The following LRRC4C variants were observed in gnomAD, a reference collection of about 807,000 sequenced individuals.
LRRC4C encodes leucine-rich repeat-containing protein 4C.
A neutral mutation model predicts 33.6 loss-of-function variants in LRRC4C; 5 were observed. That is an observed-to-expected ratio of 0.15 (90% CI 0.08 to 0.31). The LOEUF is 0.31. LRRC4C is among the 10% of genes least tolerant of loss of function. The probability of loss-of-function intolerance (pLI) is 1.00; values close to 1 mark genes in which losing one functional copy is unlikely to be tolerated. For missense variants in LRRC4C, 560 were observed against 796.7 expected, an observed-to-expected ratio of 0.70 and a Z score of 3.58; for synonymous variants, 329 against 302.0, an observed-to-expected ratio of 1.09 and a Z score of -0.93.
At chr11:40,539,568 A>T (rs1028097234) in intron 3 of LRRC4C, among the ~76,000 whole-genome samples, 1 of 152,104 alleles carries the variant, frequency 6.6e-6, no homozygotes, top group Non-Finnish European at 1.5e-5. Flanking sequence ...TTGAATATAC[A>T]AATTCAAAAG....
intron 1 of LRRC4C, among the ~76,000 whole-genome samples, chr11:41,188,537 C>T (rs1945798160): frequency 6.6e-6 from 1 of 151,782 alleles, no homozygotes; most frequent in Non-Finnish European, 1.5e-5. Context: ...ATTTTCTTAT[C>T]CTTTAATTAA....
Position 41,305,317 on chromosome 11 carries a change from C to T in LRRC4C, c.-496+154114G>A, listed in dbSNP as rs1347847728. Among the ~76,000 whole-genome samples, 6 of 52,242 alleles carry T rather than the reference C, an allele frequency of 1.1e-4. 2 individuals are homozygous for T. Among genetic ancestry groups the T allele is most frequent in the Admixed American group, 8.2e-4 (3 of 3,668 alleles). 34.3% of individuals were successfully genotyped at this position (52,242 alleles called of 152,430 possible). Reference sequence around the variant, plus strand: ...CCCCTGCCCGGCCAGCCGCCCCATCCGGGAGGTGAGGGGCGCCTCTGCCCG... The same window carrying T: ...CCCCTGCCCGGCCAGCCGCCCCATCTGGGAGGTGAGGGGCGCCTCTGCCCG... On this transcript the variant is annotated intron_variant, in intron 1 of 6. Transcript: ENST00000528697.
chr11:40,987,711 T>G (rs1033538101), intron 1 of LRRC4C, among the ~76,000 whole-genome samples: 3 of 144,944 alleles, frequency 2.1e-5, no homozygotes, highest in Non-Finnish European at 4.5e-5. Context: ...ATGAGATATA[T>G]ATGATATATA....
chr11:40,654,725 T>G (rs1040990919), intron 2 of LRRC4C, among the ~76,000 whole-genome samples: 1 of 152,198 alleles, frequency 6.6e-6, no homozygotes, highest in African/African-American at 2.4e-5. Flanking sequence ...GTTTCTTAAG[T>G]TGAGGCCATG....
At chr11:40,543,312 C>T (rs1308505384) in intron 3 of LRRC4C, among the ~76,000 whole-genome samples, 2 of 152,050 alleles carry the variant, frequency 1.3e-5, no homozygotes, top group Non-Finnish European at 2.9e-5. Context: ...ACTGTAAAGG[C>T]CAAAGTAGAC....
At chr11:40,780,053 C>T (rs996025481) in intron 2 of LRRC4C, among the ~76,000 whole-genome samples, 2 of 152,098 alleles carry the variant, frequency 1.3e-5, no homozygotes, top group South Asian at 2.1e-4. Context: ...TAAAATAAGA[C>T]TTAAATAGTG....
chr11:40,908,834 A>G (rs1956540685), intron 2 of LRRC4C, among the ~76,000 whole-genome samples: 1 of 152,194 alleles, frequency 6.6e-6, no homozygotes, highest in Admixed American at 6.5e-5. Flanking sequence ...AAACTCTGCA[A>G]TCTGACAATT....
intron 3 of LRRC4C, among the ~76,000 whole-genome samples, chr11:40,570,023 G>T (rs1194827956): frequency 6.6e-6 from 1 of 151,590 alleles, no homozygotes; most frequent in African/African-American, 2.4e-5. Flanking sequence ...TTACACATAT[G>T]TAAATAATAT....
intron 1 of LRRC4C, among the ~76,000 whole-genome samples, chr11:41,220,797 G>A (rs1254334580): frequency 6.6e-6 from 1 of 151,998 alleles, no homozygotes; most frequent in South Asian, 2.1e-4. Flanking sequence ...TCATATATTG[G>A]TTTATTTATT....
chr11:40,536,697 T>A (rs987987905), intron 3 of LRRC4C, among the ~76,000 whole-genome samples: 3 of 152,094 alleles, frequency 2.0e-5, no homozygotes, highest in African/African-American at 7.2e-5. Context: ...GGAATGCTCT[T>A]TTTTTTTCAA....
At chr11:40,381,954 GTTT>G (rs34415574) in intron 3 of LRRC4C, among the ~76,000 whole-genome samples, 1 of 85,880 alleles carries the variant, frequency 1.2e-5, no homozygotes, top group Non-Finnish European at 2.1e-5. Flanking sequence ...ATCAGTCAGC[GTTT>G]TTTTTTTTTT....
At chr11:41,016,094 A>C (rs1035504562) in intron 1 of LRRC4C, among the ~76,000 whole-genome samples, 2 of 152,208 alleles carry the variant, frequency 1.3e-5, no homozygotes, top group Admixed American at 6.5e-5. Context: ...GAAAGCAGTA[A>C]ATGGAAAATG....
chr11:40,549,638 T>C (rs747954799), intron 3 of LRRC4C, among the ~76,000 whole-genome samples: 2 of 152,232 alleles, frequency 1.3e-5, no homozygotes, highest in Non-Finnish European at 2.9e-5. Flanking sequence ...AGAGAATTAT[T>C]GACAAGAATG....
At chr11:41,155,210 A>C (rs1225378180) in intron 1 of LRRC4C, among the ~76,000 whole-genome samples, 1 of 152,078 alleles carries the variant, frequency 6.6e-6, no homozygotes, top group Non-Finnish European at 1.5e-5. Context: ...TAATTCCAAC[A>C]TCCTTATGGG....
chr11:40,807,183 CTGA>C (rs1951290571), intron 2 of LRRC4C, among the ~76,000 whole-genome samples: 1 of 152,148 alleles, frequency 6.6e-6, no homozygotes. Context: ...TTCCAATAGA[CTGA>C]TAAGTTGTCA....
At chr11:41,423,933 T>G in intron 1 of LRRC4C, 1 of 144,162 alleles carries the variant, frequency 6.9e-6, no homozygotes, top group South Asian at 2.1e-4. Context: ...GGGAGGTAAC[T>G]GAATCATGGA....
rs1167294889 is a variant in LRRC4C, at chr11:40,565,550, TG to T, written c.-270+82591del. Among the ~76,000 whole-genome samples the T allele has an allele frequency of 2.6e-5, 4 of 152,294 alleles. No individual in the cohort carries two copies. The South Asian group carries it at 8.3e-4, about 32-fold the overall frequency. ...TGGTCTGGCTGAGATATTCTCACAG[TG>T]TAATGTAGTCAGGGCTCTTCCTACC... On this transcript the variant is annotated intron_variant, in intron 3 of 6. Transcript: ENST00000528697.
At chr11:40,204,304 C>T (rs1327173583) in intron 5 of LRRC4C, among the ~76,000 whole-genome samples, 2 of 152,150 alleles carry the variant, frequency 1.3e-5, no homozygotes, top group Non-Finnish European at 2.9e-5. Flanking sequence ...ATCCCTCCTA[C>T]GTGCTTGACC....
At chr11:40,391,611 G>A (rs1056791403) in intron 3 of LRRC4C, among the ~76,000 whole-genome samples, 3 of 152,266 alleles carry the variant, frequency 2.0e-5, no homozygotes, top group South Asian at 2.1e-4. Context: ...TTGAGTCTAC[G>A]TATTCAGCCA....
Sources: gnomAD v4.1 joint callset for allele counts (sites outside exome capture counted in the v4.1 genomes callset) on GRCh38, gnomAD v4.1.1 for gene constraint, MANE v1.5 for transcripts, NCBI Gene and HGNC (gene_info 2026-07-23, HGNC 2026-07-21) for gene names.